NUDC: variants seen among roughly 807,000 people sequenced by gnomAD.
NUDC encodes the protein nuclear distribution C, dynein complex regulator.
NUDC carries 14 observed loss-of-function variants against 45.0 expected under a neutral mutation model. The ratio of observed to expected loss-of-function variants is 0.31; its 90% CI spans 0.21 to 0.49. NUDC has a LOEUF of 0.49. NUDC is among the 20% of genes least tolerant of loss of function. NUDC has a pLI of 0.99. For missense variants in NUDC, 323 were observed against 426.2 expected (o/e 0.76, Z 2.13); for synonymous variants, 153 against 156.7 (o/e 0.98, Z 0.17).
chr1:26,919,520 T>C (rs2082078837), upstream of NUDC, among the ~76,000 whole-genome samples: 1 of 152,244 alleles, frequency 6.6e-6, no homozygotes, highest in Admixed American at 6.5e-5. Context: ...ATACTTCCAG[T>C]TGTCCTGGGA....
At chr1:26,944,514 CTT>C (rs1396371726) in intron 6 of NUDC, among the ~76,000 whole-genome samples, 3 of 151,554 alleles carry the variant, frequency 2.0e-5, no homozygotes, top group African/African-American at 4.8e-5. Context: ...TGCTTAAAAA[CTT>C]TTTCTGGCTG....
At chr1:26,938,871 T>C (rs2082256090) in intron 2 of NUDC, among the ~76,000 whole-genome samples, 1 of 152,192 alleles carries the variant, frequency 6.6e-6, no homozygotes. Flanking sequence ...TTGAGTTGAG[T>C]GTCCTAAGGG....
chr1:26,941,523 C>A lies in NUDC; in HGVS notation c.226C>A (p.Arg76=). The A allele has an allele frequency of 6.2e-7, 1 of 1,613,978 alleles. No homozygotes were observed. The highest frequency in any genetic ancestry group is 8.5e-7 in the Non-Finnish European group (1 of 1,179,974). Residue 76 remains arginine, a synonymous_variant, in exon 3 of 9, where the codon CGG becomes AGG. Coordinates refer to ENST00000321265, the MANE Select transcript of NUDC (RefSeq NM_006600.4). ...GAAGACCCGGCGGGAGAAGAGAGCC[C>A]GGCAGGAGGCCGAGCGGCGGGAGAA... ...AQKTRREKRA[R]QEAERREKAE...
chr1:26,921,884 C>A lies in NUDC; in HGVS notation c.36C>A (p.Gly12=). 6.4e-7 allele frequency: 1 copy of A among 1,555,252 alleles called. No homozygotes were observed. Among genetic ancestry groups the A allele is most frequent in the Non-Finnish European group, 8.7e-7 (1 of 1,149,366 alleles). The change falls in exon 1 of 9, where the codon GGC becomes GGA. Residue 12 remains glycine (G), a synonymous_variant. Transcript: ENST00000321265. The stretch of plus-strand genomic sequence containing the variant: ...AGCAGGAGGAGGAGCGGTTCGACGG[C>A]ATGTTGCTGGCCATGGCTCAGCAGC... ...GGEQEEERFD[G]MLLAMAQQHE... is the part of the protein sequence containing the mutation.
intron 2 of NUDC, among the ~76,000 whole-genome samples, chr1:26,928,378 G>A (rs573900820): frequency 6.6e-6 from 1 of 152,254 alleles, no homozygotes; most frequent in South Asian, 2.1e-4. Flanking sequence ...TAGAAAACTG[G>A]AAGCTATAAA....
At chr1:26,940,843 G>A (rs142909635) in intron 2 of NUDC, among the ~76,000 whole-genome samples, 3,901 of 152,074 alleles carry the variant, frequency 0.026, 178 homozygotes, top group African/African-American at 0.09. Flanking sequence ...ACGCCACCGC[G>A]CCTGGCTAAT....
intron 6 of NUDC, among the ~76,000 whole-genome samples, chr1:26,944,871 G>A (rs1191076403): frequency 1.3e-5 from 2 of 151,876 alleles, no homozygotes; most frequent in Admixed American, 6.6e-5. Flanking sequence ...GTGAAGCCCC[G>A]TCTCTACTAA....
intron 3 of NUDC, among the ~76,000 whole-genome samples, chr1:26,914,138 C>T (rs2082048013): frequency 6.6e-6 from 1 of 152,078 alleles, no homozygotes; most frequent in East Asian, 1.9e-4. Context: ...GCATTGGGAA[C>T]CCCACGTGGC....
At chr1:26,921,491 T>G (rs1161292837), upstream of NUDC, among the ~76,000 whole-genome samples, 2 of 152,328 alleles carry the variant, frequency 1.3e-5, no homozygotes, top group South Asian at 2.1e-4. Context: ...CCCTGCCAGA[T>G]TTGAGTCCAG....
At chr1:26,916,115 G>A (rs571621297) in intron 3 of NUDC, among the ~76,000 whole-genome samples, 8 of 152,012 alleles carry the variant, frequency 5.3e-5, no homozygotes, top group Non-Finnish European at 1.0e-4. Context: ...ACTCGGTTAC[G>A]GTGGCTCACG....
At chr1:26,902,640 G>T (rs142158840) in intron 2 of NUDC, among the ~76,000 whole-genome samples, 2 of 151,966 alleles carry the variant, frequency 1.3e-5, no homozygotes, top group Admixed American at 1.3e-4. Context: ...ATCTTAGCAC[G>T]TCGGGAGGTT....
At chr1:26,911,641 G>T (rs1397452575) in intron 3 of NUDC, 3 of 621,914 alleles carry the variant, frequency 4.8e-6, no homozygotes, top group Non-Finnish European at 8.6e-6. Context: ...ACCACCAAAA[G>T]CCTCCCAGGC....
Position 26,945,375 on chromosome 1 carries a change from T to C in NUDC, c.742-15T>C. On this transcript the variant is annotated splice_polypyrimidine_tract_variant and intron_variant, in intron 6 of 8. Coordinates refer to ENST00000321265, the MANE Select transcript of NUDC (RefSeq NM_006600.4). Reference sequence around the variant, plus strand: ...GAGCAGGCCACCTCCCACCCTCTGGTTGTTCTCTTCACAGATCAATAAGAT... The same window carrying C: ...GAGCAGGCCACCTCCCACCCTCTGGCTGTTCTCTTCACAGATCAATAAGAT... 6.2e-7 allele frequency: 1 copy of C among 1,612,738 alleles called. No individual in the cohort carries two copies. The highest frequency in any genetic ancestry group is 8.5e-7 in the Non-Finnish European group (1 of 1,178,914).
intron 2 of NUDC, among the ~76,000 whole-genome samples, chr1:26,904,959 C>G (rs928470345): frequency 6.6e-6 from 1 of 150,492 alleles, no homozygotes; most frequent in African/African-American, 2.4e-5. Context: ...GCATCAGCCT[C>G]CTGAGTAGCT....
intron 3 of NUDC, chr1:26,913,623 G>C (rs2082042201): frequency 1.2e-6 from 2 of 1,614,036 alleles, no homozygotes; most frequent in Non-Finnish European, 1.7e-6. Flanking sequence ...CCACCTCAAA[G>C]GTCACAGCAT....
At position 26,936,125 on chromosome 1, in the gene NUDC, C is replaced by T. The variant is rs534089647; in HGVS notation, c.160-5332C>T. 6.7e-3 allele frequency among the ~76,000 whole-genome samples: 624 copies of T among 93,044 alleles called. 1 individual carries two copies. The highest frequency in any genetic ancestry group is 0.015 in the African/African-American group (360 of 24,266). The allele number at this position is 93,044 out of a possible 152,430, so 61.0% of individuals were successfully genotyped here. A position where few individuals can be genotyped will look rare whatever the true frequency, so the allele number is the denominator to read the frequency against. On this transcript the variant is annotated intron_variant, in intron 2 of 8. Coordinates refer to ENST00000321265, the MANE Select transcript of NUDC (RefSeq NM_006600.4). Reference sequence around the variant, plus strand: ...CTGGGATTACAGGCACCCACCACCACGCCCGGCTAATATATATATATATAT... The same window carrying T: ...CTGGGATTACAGGCACCCACCACCATGCCCGGCTAATATATATATATATAT...
At chr1:26,928,315 C>T (rs2082151030) in intron 2 of NUDC, among the ~76,000 whole-genome samples, 1 of 152,096 alleles carries the variant, frequency 6.6e-6, no homozygotes, top group East Asian at 1.9e-4. Context: ...AATAAAAATC[C>T]TGTAAGGAAA....
chr1:26,911,573 C>A (rs2082026654), intron 3 of NUDC: 1 of 493,188 alleles, frequency 2.0e-6, no homozygotes, highest in African/African-American at 1.9e-5. Flanking sequence ...AATAAGCAGC[C>A]TAAGCTTTCA....
At chr1:26,931,108 C>A in intron 2 of NUDC, among the ~76,000 whole-genome samples, 1 of 152,134 alleles carries the variant, frequency 6.6e-6, no homozygotes, top group East Asian at 2.0e-4. Context: ...GACGGAGTCT[C>A]GCTCTGTTGC....
Sources: allele counts gnomAD v4.1 joint callset (sites outside exome capture counted in the v4.1 genomes callset), GRCh38; gene constraint gnomAD v4.1.1; transcripts MANE v1.5; gene names NCBI Gene and HGNC (gene_info 2026-07-23, HGNC 2026-07-21).